Variants in HOXA5 observed in about 807,000 individuals in gnomAD.
HOXA5 encodes the protein homeobox A5, also known as homeobox protein Hox-A5.
In HOXA5, 12 loss-of-function variants were observed where a neutral mutation model predicts 20.0. The observed-to-expected ratio is 0.60, with a 90% CI of 0.38 to 0.97. The LOEUF is 0.97. Among genes scored for constraint, HOXA5 ranks in the 50% least tolerant of loss-of-function variants. The pLI, the probability that HOXA5 is intolerant of heterozygous loss-of-function variation, is 0.00. For missense variants in HOXA5, 352 were observed against 380.3 expected (o/e 0.93, Z 0.62); for synonymous variants, 159 against 157.7 (o/e 1.01, Z -0.06).
At chr7:27,142,193 G>A in intron 1 of HOXA5, 108 bp from the exon 2 acceptor site, 2 of 1,256,754 alleles carry the variant, frequency 1.6e-6, no homozygotes, top group South Asian at 3.0e-5. Context: ...AGCTCAACAA[G>A]TTCTGCCTAC....
At position 27,143,226 on chromosome 7, in the gene HOXA5, C is replaced by G. The variant is rs771987984; in HGVS notation, c.382G>C (p.Ala128Pro). 1 of 1,609,940 alleles carries G rather than the reference C, an allele frequency of 6.2e-7. No homozygotes were observed. Among genetic ancestry groups the G allele is most frequent in the South Asian group, 1.1e-5 (1 of 90,856 alleles). The change falls in exon 1 of 2, where the codon GCC becomes CCC. Residue 128 changes from alanine (A) to proline (P), a missense_variant. Physicochemically the swap from Ala to Pro is conservative, Grantham distance 27 (BLOSUM62 -1). Coordinates refer to ENST00000222726, the MANE Select transcript of HOXA5 (RefSeq NM_019102.4). ...TGGGTGCTGCCGGCGTCGGCCGAGG[C>G]GCCGCTGGAGTTGCTTAGGGAGTTT... ...GKNSLSNSSG[A>P]SADAGSTHIS...
rs1782585583 is a variant in HOXA5 at position 27,141,960 on chromosome 7, G to T, written c.688C>A (p.His230Asn). 2 of 1,614,228 alleles carry T rather than the reference G, an allele frequency of 1.2e-6. No individual in the cohort carries two copies. Among genetic ancestry groups the T allele is most frequent in the Non-Finnish European group, 1.7e-6 (2 of 1,180,042 alleles). ...LTRRRRIEIA[H>N]ALCLSERQIK... ...TGTCTCTCGGAGAGGCAAAGAGCATGTGCTATTTCAATCCTCCTTCTGCGG... is the reference window on the plus strand; with the variant it reads ...TGTCTCTCGGAGAGGCAAAGAGCATTTGCTATTTCAATCCTCCTTCTGCGG... The change falls in exon 2 of 2, where the codon CAT (histidine) becomes AAT (asparagine). Residue 230 changes from histidine to asparagine, a missense_variant. His to Asn is a moderately conservative substitution (Grantham distance 68). This residue lies in a region of HOXA5 where 319 missense variants were observed against 336.5 expected (regional missense o/e 0.95). Transcript: ENST00000222726.
At chr7:27,142,890 A>G in intron 1 of HOXA5, 156 bp downstream of exon 1, 1 of 665,262 alleles carries the variant, frequency 1.5e-6, no homozygotes, top group Non-Finnish European at 2.5e-6. Flanking sequence ...GAAGAGGAGG[A>G]AGGAGGAAGG....
At position 27,143,309 on chromosome 7, in the gene HOXA5, G is replaced by C. The variant is rs748367476; in HGVS notation, c.299C>G (p.Pro100Arg). The change falls in exon 1 of 2, where the codon CCG becomes CGG. Residue 100 changes from proline (P) to arginine (R), a missense_variant. By Grantham distance (103) the Pro-to-Arg change is moderately radical. Coordinates refer to ENST00000222726, the MANE Select transcript of HOXA5 (RefSeq NM_019102.4). ...ATSTHSPQPDPLPCSAVAPSP... is the reference protein window; with the variant it reads ...ATSTHSPQPDRLPCSAVAPSP... ...GGGGGCCACGGCGGAGCAGGGCAGC[G>C]GATCGGGCTGAGGAGAGTGCGTGGA... 1.2e-6 allele frequency: 2 copies of C among 1,600,136 alleles called. No individual in the cohort carries two copies. Among genetic ancestry groups the C allele is most frequent in the Admixed American group, 1.7e-5 (1 of 59,026 alleles).
At chr7:27,142,875 G>T (rs561908025) in intron 1 of HOXA5, 171 bp downstream of exon 1, 3 of 618,888 alleles carry the variant, frequency 4.8e-6, no homozygotes, top group Admixed American at 3.3e-5. Flanking sequence ...CAGGGTGCTC[G>T]CAAAGAAGAG....
chr7:27,142,185 C>T (rs1220058075), intron 1 of HOXA5, 100 bp from the exon 2 acceptor site: 2 of 1,362,468 alleles, frequency 1.5e-6, no homozygotes, highest in Non-Finnish European at 2.0e-6. Context: ...AGGCGAAAAG[C>T]TCAACAAGTT....
Position 27,143,411 on chromosome 7 carries a change from G to A in HOXA5, c.197C>T (p.Ser66Phe), listed in dbSNP as rs920471143. Residue 66 changes from serine (S) to phenylalanine (F), a missense_variant, in exon 1 of 2, where the codon TCC becomes TTC. Transcript: ENST00000222726. ...AGCGTAGCTGCGGGCGCGCTCTCCG[G>A]AGCCAAAGTGGCCGGAGCCCGAGCG... ...VGRSGSGHFG[S>F]GERARSYAAS... 3 of 1,611,310 alleles carry A rather than the reference G, an allele frequency of 1.9e-6. No individual in the cohort carries two copies. Among genetic ancestry groups the A allele is most frequent in the African/African-American group, 2.7e-5 (2 of 74,848 alleles).
chr7:27,143,400 C>G lies in HOXA5; in HGVS notation c.208G>C (p.Ala70Pro), dbSNP rs766695975. Residue 70 changes from alanine (A) to proline (P), a missense_variant, in exon 1 of 2, where the codon GCC becomes CCC. Transcript: ENST00000222726. ...CTGGCGCTGGCAGCGTAGCTGCGGG[C>G]GCGCTCTCCGGAGCCAAAGTGGCCG... ...GSGHFGSGER[A>P]RSYAASASAA... 1 of 1,607,696 alleles carries G rather than the reference C, an allele frequency of 6.2e-7. No homozygotes were observed. Among genetic ancestry groups the G allele is most frequent in the Non-Finnish European group, 8.5e-7 (1 of 1,178,376 alleles).
Position 27,143,217 on chromosome 7 carries a change from C to T in HOXA5, c.391G>A (p.Asp131Asn), listed in dbSNP as rs1484136676. 1.9e-6 allele frequency: 3 copies of T among 1,610,256 alleles called. No homozygotes were observed. Among genetic ancestry groups the T allele is most frequent in the South Asian group, 2.2e-5 (2 of 90,862 alleles). ...SLSNSSGASA[D>N]AGSTHISSRE... ...CTGCTGATGTGGGTGCTGCCGGCGT[C>T]GGCCGAGGCGCCGCTGGAGTTGCTT... The change falls in exon 1 of 2, where the codon GAC (aspartate) becomes AAC (asparagine). Residue 131 changes from aspartate to asparagine, a missense_variant. Asp to Asn is a conservative substitution (Grantham distance 23). Coordinates refer to ENST00000222726, the MANE Select transcript of HOXA5 (RefSeq NM_019102.4).
chr7:27,142,633 T>G, intron 1 of HOXA5: 2 of 199,616 alleles, frequency 1.0e-5, no homozygotes, highest in Non-Finnish European at 2.0e-5. Flanking sequence ...TTTCGGGGGC[T>G]GTAATTAGTA....
In HOXA5 at chr7:27,143,082, T is replaced by C; in HGVS notation, c.526A>G (p.Ile176Val). 6.4e-7 allele frequency: 1 copy of C among 1,554,446 alleles called. No homozygotes were observed. The highest frequency in any genetic ancestry group is 1.4e-5 in the African/African-American group (1 of 71,274). ...TGCAGCTTGCGCATCCAGGGGTAGA[T>C]CTGGGGTTGGGCGGGCGGCGCCGGG... ...PSPAPPAQPQ[I>V]YPWMRKLHIS... The change falls in exon 1 of 2, where the codon ATC becomes GTC. Residue 176 changes from isoleucine to valine, a missense_variant. Physicochemically the swap from Ile to Val is conservative, Grantham distance 29 (BLOSUM62 3). Coordinates refer to ENST00000222726, the MANE Select transcript of HOXA5 (RefSeq NM_019102.4).
rs1439038784 is a variant in HOXA5 at position 27,141,868 on chromosome 7, G to A, written c.780C>T (p.Ser260=). ...WKKDNKLKSM[S]MAAAGGAFRP Reference sequence around the variant, plus strand: ...GGAAGGCCCCTCCTGCCGCGGCCATGCTCATGCTTTTCAGCTTATTATCTT... The same window carrying A: ...GGAAGGCCCCTCCTGCCGCGGCCATACTCATGCTTTTCAGCTTATTATCTT... Residue 260 remains serine, a synonymous_variant, in exon 2 of 2, where the codon AGC becomes AGT. Transcript: ENST00000222726. The A allele has an allele frequency of 2.5e-6, 4 of 1,614,174 alleles. No homozygotes were observed. The highest frequency in any genetic ancestry group is 1.3e-5 in the African/African-American group (1 of 75,040).
rs1195109658 is a variant in HOXA5 at position 27,143,575 on chromosome 7, A to T, written c.33T>A (p.Gly11=). The T allele has an allele frequency of 2.5e-6, 4 of 1,601,804 alleles. No individual in the cohort carries two copies. The highest frequency in any genetic ancestry group is 3.4e-6 in the Non-Finnish European group (4 of 1,173,906). Residue 11 remains glycine (G), a synonymous_variant, in exon 1 of 2, where the codon GGT becomes GGA. Transcript: ENST00000222726. The part of the protein sequence containing the change: MSSYFVNSFC[G]RYPNGPDYQL... ...GGTAGTCCGGGCCATTTGGATAGCG[A>T]CCGCAAAATGAGTTTACAAAATAAG...
chr7:27,143,246 G>T lies in HOXA5; in HGVS notation c.362C>A (p.Ser121Tyr). Residue 121 changes from serine to tyrosine, a missense_variant, in exon 1 of 2, where the codon TCC becomes TAC. Physicochemically the swap from Ser to Tyr is moderately radical, Grantham distance 144. This residue lies in a region of HOXA5 where 319 missense variants were observed against 336.5 expected (regional missense o/e 0.95). Coordinates refer to ENST00000222726, the MANE Select transcript of HOXA5 (RefSeq NM_019102.4). The stretch of plus-strand genomic sequence containing the variant: ...CGAGGCGCCGCTGGAGTTGCTTAGG[G>T]AGTTTTTCCCGCCGTGGTGGCTGTC... ...GSDSHHGGKNSLSNSSGASAD... is the reference protein window; with the variant it reads ...GSDSHHGGKNYLSNSSGASAD... 6.2e-7 allele frequency: 1 copy of T among 1,609,300 alleles called. No individual in the cohort carries two copies. The highest frequency in any genetic ancestry group is 8.5e-7 in the Non-Finnish European group (1 of 1,178,944).
At chr7:27,142,634 G>A in intron 1 of HOXA5, 1 of 202,682 alleles carries the variant, frequency 4.9e-6, no homozygotes, top group Middle Eastern at 1.7e-3. Flanking sequence ...TTCGGGGGCT[G>A]TAATTAGTAA....
chr7:27,142,144 G>A (rs1460424057), intron 1 of HOXA5, 59 bp from the exon 2 acceptor site: 6 of 1,572,644 alleles, frequency 3.8e-6, no homozygotes, highest in Non-Finnish European at 5.2e-6. Context: ...GTCCGCCAGG[G>A]GGACAAGCTT....
chr7:27,142,983 G>T, intron 1 of HOXA5, 63 bp downstream of exon 1: 1 of 1,405,140 alleles, frequency 7.1e-7, no homozygotes, highest in Non-Finnish European at 9.6e-7. Context: ...CGGCAGAGAA[G>T]AGAGGGGGGA....
In HOXA5 at chr7:27,141,627, A is replaced by G. The variant is rs747208206; in HGVS notation, c.*208T>C. ...ATCTATTTTTTTTCAAGACAAAGCC[A>G]TTCAGGACAAAGAGATGAACAGAAA... On this transcript the variant is annotated 3_prime_UTR_variant, in exon 2 of 2. Transcript: ENST00000222726. 3.9e-6 allele frequency: 2 copies of G among 509,474 alleles called. No homozygotes were observed. Among genetic ancestry groups the G allele is most frequent in the Non-Finnish European group, 6.6e-6 (2 of 301,630 alleles). 31.6% of individuals were successfully genotyped at this position (509,474 alleles called of 1,614,324 possible).
chr7:27,143,600 G>T lies in HOXA5; in HGVS notation c.8C>A (p.Ser3Tyr), dbSNP rs764672756. The T allele has an allele frequency of 1.3e-6, 2 of 1,594,096 alleles. No individual in the cohort carries two copies. The highest frequency in any genetic ancestry group is 1.7e-6 in the Non-Finnish European group (2 of 1,167,848). The change falls in exon 1 of 2, where the codon TCT becomes TAT. Residue 3 changes from serine (S) to tyrosine (Y), a missense_variant. Coordinates refer to ENST00000222726, the MANE Select transcript of HOXA5 (RefSeq NM_019102.4). MS[S>Y]YFVNSFCGRY... ...ACCGCAAAATGAGTTTACAAAATAA[G>T]AGCTCATTTGTTTTTTGATATGTGT... is the stretch of plus-strand genomic sequence containing the variant.
Sources: allele counts gnomAD v4.1 joint callset, GRCh38; gene constraint gnomAD v4.1.1; regional missense constraint gnomAD v4.1.1; transcripts MANE v1.5; gene names NCBI Gene and HGNC (gene_info 2026-07-23, HGNC 2026-07-21).